VPS13B: variants seen among roughly 807,000 people sequenced by gnomAD.
The protein encoded by VPS13B is intermembrane lipid transfer protein VPS13B.
VPS13B carries 285 observed loss-of-function variants against 426.4 expected under a neutral mutation model. That is an observed-to-expected ratio of 0.67 (90% CI 0.61 to 0.74). The LOEUF (loss-of-function observed/expected upper bound fraction) is 0.74. VPS13B is among the 30% of genes least tolerant of loss of function. The pLI, the probability that VPS13B is intolerant of heterozygous loss-of-function variation, is 0.00. For missense variants in VPS13B, 4,537 were observed against 4,782.6 expected, an observed-to-expected ratio of 0.95 and a Z score of 1.51; for synonymous variants, 1,676 against 1,676.4, an observed-to-expected ratio of 1.00 and a Z score of 0.01.
rs571792887 is a variant in VPS13B, at chr8:99,850,389, A to T, written c.10061+1495A>T. On this transcript the variant is annotated intron_variant, in intron 55 of 61. Transcript: ENST00000357162. ...CATGTATGTACTTATACATACATAC[A>T]TAAGTACGCATGTATGTACTTATAC... 4.0e-5 allele frequency among the ~76,000 whole-genome samples: 6 copies of T among 150,024 alleles called. No homozygotes were observed. The South Asian group carries it at 1.2e-3, about 31-fold the overall frequency.
intron 36 of VPS13B, among the ~76,000 whole-genome samples, chr8:99,707,341 C>T (rs1345196613): frequency 6.6e-6 from 1 of 152,022 alleles, no homozygotes; most frequent in Non-Finnish European, 1.5e-5. Flanking sequence ...ATAATGTATG[C>T]AGAATACCCG....
At chr8:99,112,393 T>C (rs1004135658) in intron 6 of VPS13B, among the ~76,000 whole-genome samples, 3 of 152,214 alleles carry the variant, frequency 2.0e-5, no homozygotes, top group African/African-American at 7.2e-5. Flanking sequence ...TTATATTTTA[T>C]TAAAAATATA....
In VPS13B at chr8:99,423,926, C is replaced by T. The variant is rs367838226; in HGVS notation, c.3083-7611C>T. Among the ~76,000 whole-genome samples the T allele has an allele frequency of 1.3e-4, 19 of 151,994 alleles. No homozygotes were observed. The South Asian group carries it at 1.7e-3, about 13-fold the overall frequency. On this transcript the variant is annotated intron_variant, in intron 21 of 61. Coordinates refer to ENST00000357162, the MANE Select transcript of VPS13B (RefSeq NM_152564.5). ...GAGTTCCTTAGATGTTTATTAGGTC[C>T]GCTTGGTGCACAGCTGAGTTCAATT...
intron 44 of VPS13B, among the ~76,000 whole-genome samples, chr8:99,811,627 A>AG (rs1813703108): frequency 6.6e-6 from 1 of 152,182 alleles, no homozygotes; most frequent in South Asian, 2.1e-4. Context: ...TGTGGCTGCT[A>AG]GAACATTTAT....
chr8:99,028,652 G>T (rs1166742022), intron 2 of VPS13B, among the ~76,000 whole-genome samples: 1 of 131,418 alleles, frequency 7.6e-6, no homozygotes, highest in African/African-American at 2.9e-5. Flanking sequence ...CGGACGGGGT[G>T]GCTGGCCAGG....
intron 17 of VPS13B, among the ~76,000 whole-genome samples, chr8:99,216,496 G>T (rs1162422967): frequency 6.6e-6 from 1 of 151,804 alleles, no homozygotes; most frequent in Non-Finnish European, 1.5e-5. Context: ...TCACATGAAT[G>T]AATGAATGAA....
chr8:99,511,348 T>C lies in VPS13B; in HGVS notation c.4469T>C (p.Phe1490Ser), dbSNP rs1315150812. Residue 1490 changes from phenylalanine to serine, a missense_variant, in exon 29 of 62, where the codon TTT becomes TCT. This residue lies in a region of VPS13B where 4,311 missense variants were observed against 4,474.3 expected (regional missense o/e 0.96). Transcript: ENST00000357162. ...TTACTTAATGCCATTGCAAGTATAT[T>C]TCAAGCAAAACTACCAAAGACCCAA... ...FPLLNAIASI[F>S]QAKLPKTQKE... 6.2e-7 allele frequency: 1 copy of C among 1,613,918 alleles called. No individual in the cohort carries two copies. The highest frequency in any genetic ancestry group is 1.3e-5 in the African/African-American group (1 of 74,942).
chr8:99,074,432 C>CG (rs754480827), intron 3 of VPS13B, among the ~76,000 whole-genome samples: 5 of 150,032 alleles, frequency 3.3e-5, no homozygotes, highest in Non-Finnish European at 7.4e-5. Context: ...GGCGTGAAAC[C>CG]GGGAGGCAGA....
chr8:99,297,280 G>T (rs912137177), intron 19 of VPS13B, among the ~76,000 whole-genome samples: 1 of 152,050 alleles, frequency 6.6e-6, no homozygotes, highest in African/African-American at 2.4e-5. Context: ...TTTGAGATGC[G>T]CATAGGAGCT....
At chr8:99,354,538 A>G (rs1812079014) in intron 19 of VPS13B, among the ~76,000 whole-genome samples, 2 of 151,814 alleles carry the variant, frequency 1.3e-5, no homozygotes, top group Admixed American at 6.6e-5. Flanking sequence ...GGATTTTTAA[A>G]TGGAAATATC....
intron 39 of VPS13B, among the ~76,000 whole-genome samples, chr8:99,752,619 T>C (rs1810457228): frequency 6.6e-6 from 1 of 152,220 alleles, no homozygotes; most frequent in South Asian, 2.1e-4. Context: ...GAGGAAGCTT[T>C]GTAAAATATG....
chr8:99,306,893 A>G (rs1350001313), intron 19 of VPS13B, among the ~76,000 whole-genome samples: 1 of 152,172 alleles, frequency 6.6e-6, no homozygotes, highest in African/African-American at 2.4e-5. Flanking sequence ...TATTGACTTC[A>G]TCCTCAGGGC....
At chr8:99,432,527 C>T (rs1203939247) in intron 22 of VPS13B, among the ~76,000 whole-genome samples, 1 of 152,084 alleles carries the variant, frequency 6.6e-6, no homozygotes, top group Non-Finnish European at 1.5e-5. Context: ...TTTTGAAACT[C>T]AACAATCTCA....
chr8:99,836,106 A>C (rs1434670451), intron 54 of VPS13B, among the ~76,000 whole-genome samples: 6 of 152,316 alleles, frequency 3.9e-5, no homozygotes, highest in African/African-American at 1.4e-4. Context: ...ATTAGGATAA[A>C]TATGTGTATT....
chr8:99,527,377 A>G lies in VPS13B; in HGVS notation c.4745+6367A>G, dbSNP rs1039371751. Reference sequence around the variant, plus strand: ...ATGTTATTTATTCAGTCACTGTGCAATGCGTAGCCCAGGTATGTATTGTCA... The same window carrying G: ...ATGTTATTTATTCAGTCACTGTGCAGTGCGTAGCCCAGGTATGTATTGTCA... On this transcript the variant is annotated intron_variant, in intron 30 of 61. Coordinates refer to ENST00000357162, the MANE Select transcript of VPS13B (RefSeq NM_152564.5). 3.3e-5 allele frequency among the ~76,000 whole-genome samples: 5 copies of G among 152,294 alleles called. No individual in the cohort carries two copies. In the South Asian group the frequency reaches 1.0e-3, roughly 32 times the overall value.
intron 21 of VPS13B, among the ~76,000 whole-genome samples, chr8:99,398,903 A>G (rs1022417477): frequency 6.6e-6 from 1 of 151,812 alleles, no homozygotes; most frequent in African/African-American, 2.4e-5. Context: ...TTTCTCATAC[A>G]GGGAACCAGT....
At chr8:99,284,429 T>C (rs1819326330) in intron 19 of VPS13B, among the ~76,000 whole-genome samples, 1 of 152,228 alleles carries the variant, frequency 6.6e-6, no homozygotes, top group South Asian at 2.1e-4. Flanking sequence ...CAACTTCTAA[T>C]GAGGAGTAAG....
At chr8:99,530,404 C>T (rs1347152031) in intron 30 of VPS13B, among the ~76,000 whole-genome samples, 4 of 152,002 alleles carry the variant, frequency 2.6e-5, no homozygotes, top group Non-Finnish European at 5.9e-5. Context: ...CACCTGAGGT[C>T]AGGAGTTTGA....
chr8:99,761,354 A>G (rs1324334973), intron 39 of VPS13B, among the ~76,000 whole-genome samples: 1 of 152,178 alleles, frequency 6.6e-6, no homozygotes. Context: ...ATTCTTCCAC[A>G]TCTCTTACTT....
Sources: gnomAD v4.1 joint callset for allele counts (sites outside exome capture counted in the v4.1 genomes callset) on GRCh38, gnomAD v4.1.1 for gene constraint, gnomAD v4.1.1 regional missense constraint, MANE v1.5 for transcripts, NCBI Gene and HGNC (gene_info 2026-07-23, HGNC 2026-07-21) for gene names.